The following HS3ST3A1 variants were observed in gnomAD, a reference collection of about 807,000 sequenced individuals.
HS3ST3A1 encodes heparan sulfate-glucosamine 3-sulfotransferase 3A1, also known as heparan sulfate glucosamine 3-O-sulfotransferase 3A1.
In HS3ST3A1, 19 loss-of-function variants were observed where a neutral mutation model predicts 25.7. The ratio of observed to expected loss-of-function variants is 0.74; its 90% CI spans 0.52 to 1.08. The LOEUF is 1.08. Ranked by LOEUF, HS3ST3A1 falls within the 50% of genes least tolerant of loss-of-function variation. The pLI is 0.00. For missense variants in HS3ST3A1, 459 were observed against 594.3 expected (o/e 0.77, Z 2.37); for synonymous variants, 226 against 278.6 (o/e 0.81, Z 1.88).
intron 1 of HS3ST3A1, among the ~76,000 whole-genome samples, chr17:13,509,899 A>G (rs913340664): frequency 2.0e-5 from 3 of 152,188 alleles, no homozygotes; most frequent in African/African-American, 7.2e-5. Context: ...TCTATGTTAC[A>G]TTATTCTGCC....
chr17:13,594,111 C>A (rs1908512283), intron 1 of HS3ST3A1, among the ~76,000 whole-genome samples: 1 of 152,176 alleles, frequency 6.6e-6, no homozygotes, highest in Non-Finnish European at 1.5e-5. Flanking sequence ...TTTCTCAGGG[C>A]TATACTGGGG....
intron 1 of HS3ST3A1, among the ~76,000 whole-genome samples, chr17:13,561,257 G>A (rs1265472690): frequency 6.6e-6 from 1 of 152,140 alleles, no homozygotes; most frequent in Non-Finnish European, 1.5e-5. Flanking sequence ...TTTGGGTATG[G>A]CTGTGTATTC....
chr17:13,502,794 A>G (rs1598406926), intron 1 of HS3ST3A1, among the ~76,000 whole-genome samples: 2 of 152,212 alleles, frequency 1.3e-5, no homozygotes, highest in South Asian at 4.1e-4. Context: ...TGGTGAAACA[A>G]TCACCTTTTG....
At chr17:13,544,842 A>T (rs1251545511) in intron 1 of HS3ST3A1, among the ~76,000 whole-genome samples, 14 of 152,054 alleles carry the variant, frequency 9.2e-5, no homozygotes, top group Admixed American at 8.5e-4. Context: ...TTGTTTAGGA[A>T]CATGGTGCTC....
chr17:13,502,747 A>G (rs1905522072), intron 1 of HS3ST3A1, among the ~76,000 whole-genome samples: 1 of 152,234 alleles, frequency 6.6e-6, no homozygotes, highest in Non-Finnish European at 1.5e-5. Context: ...TATTTAGGAA[A>G]AATTAATTCC....
At chr17:13,556,608 C>CT (rs1907383730) in intron 1 of HS3ST3A1, among the ~76,000 whole-genome samples, 1 of 151,922 alleles carries the variant, frequency 6.6e-6, no homozygotes, top group Non-Finnish European at 1.5e-5. Context: ...AATCCCAGCA[C>CT]TTTGGGAGGC....
At chr17:13,582,060 T>C (rs1483768815) in intron 1 of HS3ST3A1, among the ~76,000 whole-genome samples, 3 of 152,192 alleles carry the variant, frequency 2.0e-5, no homozygotes, top group Non-Finnish European at 4.4e-5. Flanking sequence ...AAAAAAGACT[T>C]TCCTGGCAAA....
At chr17:13,517,007 A>T (rs1183010283) in intron 1 of HS3ST3A1, among the ~76,000 whole-genome samples, 1 of 152,188 alleles carries the variant, frequency 6.6e-6, no homozygotes, top group Non-Finnish European at 1.5e-5. Flanking sequence ...TCCTAACTTG[A>T]GTTCCAAGAA....
At position 13,600,756 on chromosome 17, in the gene HS3ST3A1, C is replaced by T. The variant is rs1598438455; in HGVS notation, c.374G>A (p.Gly125Asp). ...EESPGLSGGP[G>D]GSGAGSTVAE... ...CACGGTGCTTCCGGCCCCGGAGCCG[C>T]CCGGACCCCCTGACAGGCCAGGGGA... Residue 125 changes from glycine to aspartate, a missense_variant, in exon 1 of 2, where the codon GGC (glycine) becomes GAC (aspartate). Coordinates refer to ENST00000284110, the MANE Select transcript of HS3ST3A1 (RefSeq NM_006042.3). The T allele has an allele frequency of 1.3e-6, 2 of 1,515,372 alleles. No homozygotes were observed. The highest frequency in any genetic ancestry group is 2.1e-5 in the Admixed American group (1 of 48,554). The allele number at this position is 1,515,372 out of a possible 1,614,324, so 93.9% of individuals were successfully genotyped here.
Position 13,600,605 on chromosome 17 carries a change from G to C in HS3ST3A1, c.525C>G (p.His175Gln), listed in dbSNP as rs1184948189. Reference protein sequence around the residue: ...TRALLEFLRVHPDVRAVGAEP... With the variant: ...TRALLEFLRVQPDVRAVGAEP... ...CGGCGCCCACGGCGCGCACGTCGGGGTGCACGCGCAGGAACTCCAGCAGCG... is the reference window on the plus strand; with the variant it reads ...CGGCGCCCACGGCGCGCACGTCGGGCTGCACGCGCAGGAACTCCAGCAGCG... Residue 175 changes from histidine to glutamine, a missense_variant, in exon 1 of 2, where the codon CAC (histidine) becomes CAG (glutamine). Coordinates refer to ENST00000284110, the MANE Select transcript of HS3ST3A1 (RefSeq NM_006042.3). 1 of 1,600,084 alleles carries C rather than the reference G, an allele frequency of 6.2e-7. No individual in the cohort carries two copies. The highest frequency in any genetic ancestry group is 8.5e-7 in the Non-Finnish European group (1 of 1,177,962).
At chr17:13,496,869 C>T (rs1278915569) in intron 1 of HS3ST3A1, 51 bp from the exon 2 acceptor site, 2 of 1,576,700 alleles carry the variant, frequency 1.3e-6, no homozygotes, top group Admixed American at 3.5e-5. Flanking sequence ...AGCTCAGTCC[C>T]AGGAGAGACT....
intron 1 of HS3ST3A1, among the ~76,000 whole-genome samples, chr17:13,507,881 C>G (rs1905734067): frequency 6.6e-6 from 1 of 152,182 alleles, no homozygotes; most frequent in Admixed American, 6.5e-5. Context: ...CTGCTGGGAA[C>G]TCTCTGTGCT....
At chr17:13,530,549 G>A (rs911634802) in intron 1 of HS3ST3A1, among the ~76,000 whole-genome samples, 1 of 152,120 alleles carries the variant, frequency 6.6e-6, no homozygotes, top group Non-Finnish European at 1.5e-5. Context: ...AAGGCAGTGG[G>A]TCACACTAAC....
At chr17:13,579,845 GC>G (rs1908060370) in intron 1 of HS3ST3A1, among the ~76,000 whole-genome samples, 1 of 148,888 alleles carries the variant, frequency 6.7e-6, no homozygotes, top group Non-Finnish European at 1.5e-5. Flanking sequence ...GGTGGCGCTT[GC>G]CTGTAATCCC....
At chr17:13,558,866 G>GA (rs1022087447) in intron 1 of HS3ST3A1, among the ~76,000 whole-genome samples, 1 of 151,910 alleles carries the variant, frequency 6.6e-6, no homozygotes, top group Non-Finnish European at 1.5e-5. Context: ...AGCCCTTGAA[G>GA]AAAAAAACCA....
intron 1 of HS3ST3A1, among the ~76,000 whole-genome samples, chr17:13,527,526 G>A (rs1168720581): frequency 1.3e-5 from 2 of 152,198 alleles, no homozygotes; most frequent in East Asian, 1.9e-4. Context: ...CCCCAGGAGC[G>A]GAGTGGACCC....
Position 13,565,850 on chromosome 17 carries a change from T to C in HS3ST3A1, c.599+34681A>G, listed in dbSNP as rs925437788. On this transcript the variant is annotated intron_variant, in intron 1 of 1. Transcript: ENST00000284110. Reference sequence around the variant, plus strand: ...GTTTATCTGAAAGTTCTCCACGTTCTGTCCTCTGGAAGTTTTATTAAATGC... The same window carrying C: ...GTTTATCTGAAAGTTCTCCACGTTCCGTCCTCTGGAAGTTTTATTAAATGC... Among the ~76,000 whole-genome samples, 11 of 152,230 alleles carry C rather than the reference T, an allele frequency of 7.2e-5. 1 individual carries two copies. The highest frequency in any genetic ancestry group is 7.2e-4 in the Admixed American group (11 of 15,282).
At chr17:13,560,465 G>A (rs12944977) in intron 1 of HS3ST3A1, among the ~76,000 whole-genome samples, 8,478 of 151,546 alleles carry the variant, frequency 0.056, 290 homozygotes, top group Non-Finnish European at 0.078. Context: ...ATACTTCCAC[G>A]TGTATTACCT....
intron 1 of HS3ST3A1, among the ~76,000 whole-genome samples, chr17:13,596,380 G>A (rs967601686): frequency 1.3e-5 from 2 of 148,476 alleles, no homozygotes; most frequent in South Asian, 2.2e-4. Flanking sequence ...CTGCCTTCTC[G>A]GTGTCTGCTC....
Sources: allele counts gnomAD v4.1 joint callset (sites outside exome capture counted in the v4.1 genomes callset), GRCh38; gene constraint gnomAD v4.1.1; transcripts MANE v1.5; gene names NCBI Gene and HGNC (gene_info 2026-07-23, HGNC 2026-07-21).